Variants in WDFY3 observed in about 807,000 individuals in gnomAD.
WDFY3 encodes the protein WD repeat and FYVE domain containing 3, also known as WD repeat and FYVE domain-containing protein 3.
In WDFY3, 66 loss-of-function variants were observed where a neutral mutation model predicts 409.6. That is an observed-to-expected ratio of 0.16 (90% CI 0.13 to 0.20). The LOEUF (loss-of-function observed/expected upper bound fraction) is 0.20. Among genes scored for constraint, WDFY3 ranks in the 10% least tolerant of loss-of-function variants. The pLI is 1.00. For synonymous variants in WDFY3, 1,521 were observed against 1,537.1 expected (o/e 0.99, Z 0.25); for missense variants, 3,031 against 4,298.1 (o/e 0.71, Z 8.24).
At chr4:84,925,640 T>C (rs1224594086) in intron 2 of WDFY3, among the ~76,000 whole-genome samples, 2 of 152,210 alleles carry the variant, frequency 1.3e-5, no homozygotes, top group Non-Finnish European at 2.9e-5. Flanking sequence ...TGAGGACAAC[T>C]GGAGAATTAA....
At chr4:84,809,440 C>T (rs531388050) in intron 14 of WDFY3, 2 of 154,182 alleles carry the variant, frequency 1.3e-5, no homozygotes, top group South Asian at 2.0e-4. Context: ...AAGACACTGA[C>T]ACCTCTCTTT....
At chr4:84,676,847 G>A (rs553619837) in intron 67 of WDFY3, among the ~76,000 whole-genome samples, 1 of 152,284 alleles carries the variant, frequency 6.6e-6, no homozygotes, top group East Asian at 1.9e-4. Context: ...GTTCCTGAAA[G>A]CATAAAAACA....
rs1276039775 is a variant in WDFY3 at position 84,821,238 on chromosome 4, G to C, written c.1437C>G (p.Ser479Arg). 3.1e-6 allele frequency: 5 copies of C among 1,613,672 alleles called. No individual in the cohort carries two copies. The highest frequency in any genetic ancestry group is 2.5e-6 in the Non-Finnish European group (3 of 1,179,792). The change falls in exon 11 of 68, where the codon AGC becomes AGG. Residue 479 changes from serine to arginine, a missense_variant. This residue lies in a region of WDFY3 where 1,322 missense variants were observed against 1,697.9 expected (regional missense o/e 0.78). Transcript: ENST00000295888. ...LLKSSSSYHC[S>R]IIAMKTLLKF... ...TAAGAAGTGTTTTCATTGCAATAAT[G>C]CTACAGTGATAAGAAGAGCTAGATT... is the stretch of plus-strand genomic sequence containing the variant.
intron 17 of WDFY3, 127 bp downstream of exon 17, chr4:84,801,523 A>T (rs1384547489): frequency 1.1e-6 from 1 of 928,988 alleles, no homozygotes; most frequent in Non-Finnish European, 1.5e-6. Context: ...TATTTTGTCC[A>T]TTTTTGTTAT....
intron 32 of WDFY3, among the ~76,000 whole-genome samples, chr4:84,758,690 C>T (rs529150209): frequency 2.0e-5 from 3 of 152,140 alleles, no homozygotes; most frequent in South Asian, 4.1e-4. Flanking sequence ...CTCAGTGTGA[C>T]GTGATTAACT....
rs571022912 is a variant in WDFY3 at position 84,799,014 on chromosome 4, A to G, written c.2823-906T>C. Among the ~76,000 whole-genome samples, 25 of 152,316 alleles carry G rather than the reference A, an allele frequency of 1.6e-4. No homozygotes were observed. In the South Asian group the frequency reaches 5.2e-3, roughly 32 times the overall value. ...CATAAATTCTACTTAAGACATACAT[A>G]AAACTTCTGACTGCCTAAGAATGCT... On this transcript the variant is annotated intron_variant, in intron 17 of 67. Transcript: ENST00000295888.
chr4:84,805,955 G>A (rs1035702591), intron 15 of WDFY3, among the ~76,000 whole-genome samples: 2 of 152,110 alleles, frequency 1.3e-5, no homozygotes, highest in African/African-American at 4.8e-5. Context: ...TATAAAGTCA[G>A]CTAGTTCATT....
chr4:84,706,785 G>A (rs999729964), intron 53 of WDFY3, among the ~76,000 whole-genome samples: 6 of 151,978 alleles, frequency 3.9e-5, no homozygotes, highest in Non-Finnish European at 8.8e-5. Context: ...TACAAGAGAG[G>A]GAACTGGGGT....
chr4:84,831,490 C>T lies in WDFY3; in HGVS notation c.692G>A (p.Trp231Ter). 1 of 1,614,046 alleles carries T rather than the reference C, an allele frequency of 6.2e-7. No individual in the cohort carries two copies. Among genetic ancestry groups the T allele is most frequent in the Non-Finnish European group, 8.5e-7 (1 of 1,179,994 alleles). ...TSWCPPYNLPWRKSAGEVLMT... is the reference protein window; with the variant it reads ...TSWCPPYNLP ...GAGGACTTCTCCAGCACTCTTTCTC[C>T]AAGGCAGGTTATAGGGAGGGCACCA... Residue 231 changes from tryptophan (W) to a stop codon, truncating the protein, a stop_gained, in exon 8 of 68, where the codon TGG (tryptophan) becomes TAG (stop). Transcript: ENST00000295888. LOFTEE classifies it high-confidence loss of function.
chr4:84,955,866 T>C (rs1409718668), intron 1 of WDFY3, among the ~76,000 whole-genome samples: 1 of 152,210 alleles, frequency 6.6e-6, no homozygotes, highest in Non-Finnish European at 1.5e-5. Context: ...GGCAGGATAA[T>C]TAATCACCTC....
chr4:84,785,864 C>G (rs994557615), intron 24 of WDFY3, 115 bp downstream of exon 24: 1 of 1,296,488 alleles, frequency 7.7e-7, no homozygotes, highest in Non-Finnish European at 1.1e-6. Flanking sequence ...ATAAACAATA[C>G]ATGAAAGGCA....
intron 54 of WDFY3, 73 bp from the exon 55 acceptor site, chr4:84,704,517 GC>G: frequency 6.7e-6 from 8 of 1,185,438 alleles, no homozygotes; most frequent in Middle Eastern, 2.1e-4. Flanking sequence ...ATTAATTTAT[GC>G]TTGAAAATGC....
intron 38 of WDFY3, 79 bp downstream of exon 38, chr4:84,741,682 T>C: frequency 2.2e-6 from 3 of 1,373,878 alleles, no homozygotes; most frequent in Admixed American, 2.3e-5. Flanking sequence ...TTATTAGTTA[T>C]ATTTAATTTC....
chr4:84,725,803 G>A (rs1314233764), intron 45 of WDFY3, among the ~76,000 whole-genome samples: 1 of 152,022 alleles, frequency 6.6e-6, no homozygotes, highest in African/African-American at 2.4e-5. Flanking sequence ...GAAAACAAGT[G>A]TCCTTTGGGT....
chr4:84,711,057 C>G (rs779789605), intron 51 of WDFY3, among the ~76,000 whole-genome samples: 1 of 152,178 alleles, frequency 6.6e-6, no homozygotes. Flanking sequence ...ATTACAGAAT[C>G]TCTAGAACTT....
At chr4:84,858,763 A>G (rs1355959663) in intron 4 of WDFY3, among the ~76,000 whole-genome samples, 1 of 145,584 alleles carries the variant, frequency 6.9e-6, no homozygotes, top group African/African-American at 2.5e-5. Context: ...GGACAGAGCC[A>G]GTCAGAGATT....
rs148988071 is a variant in WDFY3 at position 84,921,014 on chromosome 4, T to G, written c.-132+11256A>C. On this transcript the variant is annotated intron_variant, in intron 2 of 67. Transcript: ENST00000295888. ...TGAAATTTGAATATGTCACTCCCTG[T>G]ATTTCTTAATTTGTCCTAAATATAG... is the stretch of plus-strand genomic sequence containing the variant. Among the ~76,000 whole-genome samples the G allele has an allele frequency of 4.7e-3, 722 of 152,260 alleles. 8 individuals carry two copies. The highest frequency in any genetic ancestry group is 0.016 in the African/African-American group (669 of 41,546).
chr4:84,714,219 T>A (rs1733440374), intron 50 of WDFY3, among the ~76,000 whole-genome samples: 1 of 152,132 alleles, frequency 6.6e-6, no homozygotes, highest in South Asian at 2.1e-4. Flanking sequence ...CTCCTGGGCT[T>A]AAGCAATCCT....
chr4:84,914,904 T>A (rs1768274794), intron 2 of WDFY3, among the ~76,000 whole-genome samples: 2 of 152,146 alleles, frequency 1.3e-5, no homozygotes. Flanking sequence ...ATTTTCACAA[T>A]AGTGAAAGGT....
Sources: gnomAD v4.1 joint callset for allele counts (sites outside exome capture counted in the v4.1 genomes callset) on GRCh38, gnomAD v4.1.1 for gene constraint, gnomAD v4.1.1 regional missense constraint, MANE v1.5 for transcripts, NCBI Gene and HGNC (gene_info 2026-07-23, HGNC 2026-07-21) for gene names.